Variants in CACNB4 observed in about 807,000 individuals in gnomAD.
CACNB4 encodes the protein calcium voltage-gated channel auxiliary subunit beta 4, also known as voltage-dependent L-type calcium channel subunit beta-4.
In CACNB4, 32 loss-of-function variants were observed where a neutral mutation model predicts 71.2. That is an observed-to-expected ratio of 0.45 (90% CI 0.34 to 0.60). The LOEUF is 0.60. Among genes scored for constraint, CACNB4 ranks in the 20% least tolerant of loss-of-function variants. The pLI, the probability that CACNB4 is intolerant of heterozygous loss-of-function variation, is 0.01. For missense variants in CACNB4, 464 were observed against 647.9 expected, an observed-to-expected ratio of 0.72 and a Z score of 3.08; for synonymous variants, 231 against 236.9, an observed-to-expected ratio of 0.97 and a Z score of 0.23.
intron 5 of CACNB4, chr2:151,874,870 A>C: frequency 2.5e-6 from 1 of 396,284 alleles, no homozygotes; most frequent in East Asian, 3.6e-5. Flanking sequence ...AAATACCTGC[A>C]CTCTGAGATC....
At chr2:152,028,926 G>A (rs941942512) in intron 2 of CACNB4, among the ~76,000 whole-genome samples, 2 of 152,242 alleles carry the variant, frequency 1.3e-5, no homozygotes, top group African/African-American at 2.4e-5. Context: ...TGGCACTTCT[G>A]AGTAGCTTTG....
At chr2:151,912,556 T>C (rs927155243) in intron 2 of CACNB4, among the ~76,000 whole-genome samples, 12 of 152,238 alleles carry the variant, frequency 7.9e-5, no homozygotes, top group South Asian at 4.1e-4. Context: ...TTCAGTTCTT[T>C]TGCATTTGCT....
At chr2:151,899,399 A>G (rs2099852849) in intron 2 of CACNB4, among the ~76,000 whole-genome samples, 1 of 152,220 alleles carries the variant, frequency 6.6e-6, no homozygotes, top group Non-Finnish European at 1.5e-5. Flanking sequence ...AAGGGGCCTC[A>G]GAGATACTTC....
intron 2 of CACNB4, among the ~76,000 whole-genome samples, chr2:152,055,352 G>A (rs1685670487): frequency 6.6e-6 from 1 of 152,186 alleles, no homozygotes; most frequent in Non-Finnish European, 1.5e-5. Context: ...AAGCACAGAA[G>A]TTTTTAATTT....
intron 2 of CACNB4, among the ~76,000 whole-genome samples, chr2:152,035,647 CTCTCTATA>C (rs1684540180): frequency 2.3e-5 from 3 of 128,908 alleles, no homozygotes; most frequent in African/African-American, 1.0e-4. Context: ...CTCTCTCTCT[CTCTCTATA>C]TATATATATA....
chr2:152,025,600 T>G (rs1186124546), intron 2 of CACNB4, among the ~76,000 whole-genome samples: 1 of 152,214 alleles, frequency 6.6e-6, no homozygotes, highest in Non-Finnish European at 1.5e-5. Context: ...TTGGAATATC[T>G]CAAATCATCT....
At chr2:152,084,590 TCTG>T (rs1419311111) in intron 2 of CACNB4, among the ~76,000 whole-genome samples, 6 of 152,130 alleles carry the variant, frequency 3.9e-5, no homozygotes, top group African/African-American at 7.2e-5. Context: ...CATGACAACT[TCTG>T]CTGCTGCTTC....
intron 2 of CACNB4, among the ~76,000 whole-genome samples, chr2:152,074,414 G>A (rs1367997066): frequency 7.1e-6 from 1 of 141,736 alleles, no homozygotes; most frequent in African/African-American, 2.7e-5. Context: ...ATCACCACCA[G>A]CAGCACCACC....
intron 2 of CACNB4, among the ~76,000 whole-genome samples, chr2:151,994,351 G>T (rs1398070483): frequency 6.7e-6 from 1 of 150,154 alleles, no homozygotes; most frequent in Non-Finnish European, 1.5e-5. Context: ...GGGATTAAAG[G>T]CGTGTGCCAC....
chr2:151,932,560 TA>T (rs2099861885), intron 2 of CACNB4, among the ~76,000 whole-genome samples: 1 of 152,088 alleles, frequency 6.6e-6, no homozygotes, highest in Non-Finnish European at 1.5e-5. Flanking sequence ...AGGGTCCCTA[TA>T]AAGATAATCA....
At chr2:151,895,270 A>G (rs1366089986) in intron 2 of CACNB4, among the ~76,000 whole-genome samples, 1 of 152,122 alleles carries the variant, frequency 6.6e-6, no homozygotes, top group Non-Finnish European at 1.5e-5. Flanking sequence ...TTATCCACGG[A>G]AGACATGTTT....
intron 2 of CACNB4, among the ~76,000 whole-genome samples, chr2:151,909,422 C>T (rs1199155377): frequency 2.8e-5 from 4 of 142,850 alleles, no homozygotes; most frequent in Admixed American, 7.4e-5. Flanking sequence ...GGCGACACAG[C>T]GAGACTCCAT....
At chr2:151,957,599 G>A (rs1021897058) in intron 2 of CACNB4, among the ~76,000 whole-genome samples, 5 of 152,106 alleles carry the variant, frequency 3.3e-5, no homozygotes, top group East Asian at 1.9e-4. Flanking sequence ...ACAAACTCTC[G>A]AGCTGACCAA....
chr2:152,059,092 G>A (rs538980918), intron 2 of CACNB4, among the ~76,000 whole-genome samples: 4 of 152,356 alleles, frequency 2.6e-5, no homozygotes, highest in African/African-American at 9.6e-5. Context: ...GGAAATGCCT[G>A]GATGTCCAGG....
At chr2:152,021,393 G>C (rs1011129357) in intron 2 of CACNB4, among the ~76,000 whole-genome samples, 1 of 151,916 alleles carries the variant, frequency 6.6e-6, no homozygotes, top group Non-Finnish European at 1.5e-5. Context: ...ATACTCAAAG[G>C]GTTAAAACTT....
At chr2:152,097,025 T>C (rs764999999) in intron 2 of CACNB4, among the ~76,000 whole-genome samples, 13 of 152,206 alleles carry the variant, frequency 8.5e-5, no homozygotes, top group East Asian at 1.9e-4. Context: ...GTTTGCCTTA[T>C]CAAATACATA....
Position 152,098,571 on chromosome 2 carries a change from C to G in CACNB4, c.64-158G>C. 1 of 833,444 alleles carries G rather than the reference C, an allele frequency of 1.2e-6. No individual in the cohort carries two copies. Among genetic ancestry groups the G allele is most frequent in the Non-Finnish European group, 2.0e-6 (1 of 491,718 alleles). 51.6% of individuals were successfully genotyped at this position (833,444 alleles called of 1,614,324 possible). A position where few individuals can be genotyped will look rare whatever the true frequency, so the allele number is the denominator to read the frequency against. On this transcript the variant is annotated intron_variant, in intron 1 of 13. Coordinates refer to ENST00000539935, the MANE Select transcript of CACNB4 (RefSeq NM_000726.5). This position sits in a 1 kb window ranked among gnomAD's most constrained non-coding sequence, Gnocchi z 5.3. ...CCGCGACTCCCAAATACAGCCCCCA[C>G]CCCCACCCACCCACTGCAAGCCTCG...
Position 151,865,195 on chromosome 2 carries a change from T to G in CACNB4, c.758+3982A>C, listed in dbSNP as rs960517218. ...CAATTAGAAATTATCTTCATTCTTATATGGCTTGGTTGCCTTGTGACAGCA... is the reference window on the plus strand; with the variant it reads ...CAATTAGAAATTATCTTCATTCTTAGATGGCTTGGTTGCCTTGTGACAGCA... On this transcript the variant is annotated intron_variant, in intron 9 of 13. Coordinates refer to ENST00000539935, the MANE Select transcript of CACNB4 (RefSeq NM_000726.5). Among the ~76,000 whole-genome samples the G allele has an allele frequency of 8.5e-5, 13 of 152,388 alleles. No homozygotes were observed. The South Asian group carries it at 2.7e-3, about 32-fold the overall frequency.
chr2:151,991,304 A>G (rs1377631321), intron 2 of CACNB4, among the ~76,000 whole-genome samples: 1 of 152,228 alleles, frequency 6.6e-6, no homozygotes, highest in Non-Finnish European at 1.5e-5. Flanking sequence ...TTATTAATCA[A>G]TAACATTTAA....
Sources: gnomAD v4.1 joint callset for allele counts (sites outside exome capture counted in the v4.1 genomes callset) on GRCh38, gnomAD v4.1.1 for gene constraint, Gnocchi (gnomAD v3.1) non-coding constraint, MANE v1.5 for transcripts, NCBI Gene and HGNC (gene_info 2026-07-23, HGNC 2026-07-21) for gene names.